The following PALM2AKAP2 variants were observed in gnomAD, a reference collection of about 807,000 sequenced individuals.
The protein encoded by PALM2AKAP2 is PALM2 and AKAP2 fusion.
In PALM2AKAP2, 37 loss-of-function variants were observed where a neutral mutation model predicts 71.5. The ratio of observed to expected loss-of-function variants is 0.52; its 90% CI spans 0.40 to 0.68. The LOEUF is 0.68. Ranked by LOEUF, PALM2AKAP2 falls within the 30% of genes least tolerant of loss-of-function variation. The probability of loss-of-function intolerance (pLI) is 0.00; values close to 1 mark genes in which losing one functional copy is unlikely to be tolerated. For synonymous variants in PALM2AKAP2, 468 were observed against 478.8 expected (o/e 0.98, Z 0.29); for missense variants, 1,224 against 1,191.8 (o/e 1.03, Z -0.40).
chr9:110,065,813 T>C (rs1353142714), intron 1 of PALM2AKAP2, among the ~76,000 whole-genome samples: 2 of 152,248 alleles, frequency 1.3e-5, no homozygotes, highest in Non-Finnish European at 2.9e-5. Context: ...GTATTTGTCT[T>C]TCTGTGACTG....
At position 109,685,875 on chromosome 9, in the gene PALM2AKAP2, A is replaced by AT. The variant is rs200933076; in HGVS notation, c.5+45018dup. On this transcript the variant is annotated intron_variant, in intron 1 of 6. Coordinates refer to the PALM2AKAP2 transcript ENST00000374531. Reference sequence around the variant, plus strand: ...GTTCGATAGTATTTTACACATAGTAATTTTTTTTTCAAAATTGGTGTCCAT... The same window carrying AT: ...GTTCGATAGTATTTTACACATAGTAATTTTTTTTTTCAAAATTGGTGTCCAT... Among the ~76,000 whole-genome samples the AT allele has an allele frequency of 7.3e-3, 1,108 of 151,498 alleles. 15 individuals are homozygous for AT. Among genetic ancestry groups the AT allele is most frequent in the African/African-American group, 0.026 (1,057 of 41,296 alleles).
At chr9:109,830,687 G>A (rs1258898277) in intron 1 of PALM2AKAP2, among the ~76,000 whole-genome samples, 1 of 152,200 alleles carries the variant, frequency 6.6e-6, no homozygotes, top group Non-Finnish European at 1.5e-5. Flanking sequence ...ATGGCCTTGG[G>A]GGAGAGGGAG....
chr9:109,692,865 T>C (rs1827918565), intron 1 of PALM2AKAP2, among the ~76,000 whole-genome samples: 2 of 151,972 alleles, frequency 1.3e-5, no homozygotes, highest in Non-Finnish European at 2.9e-5. Context: ...TTTGCATCTA[T>C]GTGCACAAGG....
chr9:110,146,102 G>C (rs201432264), intron 2 of PALM2AKAP2, among the ~76,000 whole-genome samples: 1 of 151,622 alleles, frequency 6.6e-6, no homozygotes, highest in Non-Finnish European at 1.5e-5. Flanking sequence ...GTTTCACCGT[G>C]TTAGCCAGGA....
intron 3 of PALM2AKAP2, among the ~76,000 whole-genome samples, chr9:109,909,406 T>G (rs1830521800): frequency 6.6e-6 from 1 of 152,350 alleles, no homozygotes; most frequent in African/African-American, 2.4e-5. Context: ...TTGAGGCTAC[T>G]TCCAGTTGAG....
At chr9:110,161,993 C>T (rs370300881) in intron 3 of PALM2AKAP2, 101 bp from the exon 10 acceptor site, 2 of 1,475,494 alleles carry the variant, frequency 1.4e-6, no homozygotes, top group Middle Eastern at 1.7e-4. Context: ...TATTACTTCC[C>T]CTCCCATCCT....
chr9:109,697,051 T>G (rs184065650), intron 1 of PALM2AKAP2, among the ~76,000 whole-genome samples: 1 of 152,166 alleles, frequency 6.6e-6, no homozygotes, highest in African/African-American at 2.4e-5. Context: ...TTGAAAGCAC[T>G]TCTCGATAAA....
intron 1 of PALM2AKAP2, among the ~76,000 whole-genome samples, chr9:109,711,556 G>C (rs1443401379): frequency 3.3e-5 from 5 of 152,240 alleles, no homozygotes; most frequent in African/African-American, 1.2e-4. Flanking sequence ...TAGTGAGTCT[G>C]AGTTGAAGGA....
intron 1 of PALM2AKAP2, among the ~76,000 whole-genome samples, chr9:109,735,983 G>A (rs542644413): frequency 3.3e-5 from 5 of 152,310 alleles, no homozygotes; most frequent in African/African-American, 1.2e-4. Flanking sequence ...TTCTCCCATG[G>A]TAGTTATCTT....
intron 3 of PALM2AKAP2, among the ~76,000 whole-genome samples, chr9:109,882,137 C>A (rs1029392240): frequency 6.6e-6 from 1 of 152,078 alleles, no homozygotes; most frequent in African/African-American, 2.4e-5. Flanking sequence ...CCCGCCTTGG[C>A]CTCCCAAAGT....
At chr9:109,725,899 A>G (rs2118645810) in intron 1 of PALM2AKAP2, among the ~76,000 whole-genome samples, 1 of 152,304 alleles carries the variant, frequency 6.6e-6, no homozygotes, top group Admixed American at 6.5e-5. Flanking sequence ...ATTTTCTCTC[A>G]CAAAACTCCC....
chr9:109,667,375 T>A (rs1827502344), intron 1 of PALM2AKAP2, among the ~76,000 whole-genome samples: 1 of 151,916 alleles, frequency 6.6e-6, no homozygotes, highest in Non-Finnish European at 1.5e-5. Flanking sequence ...TACTTTTGGA[T>A]TTTTTTCTAA....
rs750860393 is a variant in PALM2AKAP2 at position 110,138,496 on chromosome 9, T to C, written c.2526T>C (p.Asn842=). The C allele has an allele frequency of 1.9e-6, 3 of 1,613,386 alleles. No homozygotes were observed. The African/African-American group carries it at 4.0e-5, about 22-fold the overall frequency. ...GTACGCAGAGCCCCAGGACAAAGAA[T>C]GCCCCATCACTGCCCTCCAGAACAT... Residue 842 remains asparagine (N), a synonymous_variant, in exon 2 of 4, where the codon AAT becomes AAC. Transcript: ENST00000374525.
At chr9:109,825,837 C>A (rs1828134348) in intron 1 of PALM2AKAP2, among the ~76,000 whole-genome samples, 1 of 152,088 alleles carries the variant, frequency 6.6e-6, no homozygotes, top group African/African-American at 2.4e-5. Context: ...CTAGAAATAC[C>A]ATTTGACCCA....
At chr9:109,722,322 T>C (rs888998541) in intron 1 of PALM2AKAP2, among the ~76,000 whole-genome samples, 3 of 152,224 alleles carry the variant, frequency 2.0e-5, no homozygotes, top group African/African-American at 7.2e-5. Context: ...TCTTGTAATA[T>C]GCACTTAATA....
In PALM2AKAP2 at chr9:109,744,979, C is replaced by T. The variant is rs191587237; in HGVS notation, c.6-35509C>T. Among the ~76,000 whole-genome samples, 572 of 152,292 alleles carry T rather than the reference C, an allele frequency of 3.8e-3. 3 individuals carry two copies. The highest frequency in any genetic ancestry group is 0.013 in the African/African-American group (553 of 41,550). ...CTAAGTCCATGCATGCCCTCAGTCCCAATAATTTTTGGCTTCCAGAGCTCC... is the reference window on the plus strand; with the variant it reads ...CTAAGTCCATGCATGCCCTCAGTCCTAATAATTTTTGGCTTCCAGAGCTCC... On this transcript the variant is annotated intron_variant, in intron 1 of 6. Coordinates refer to the PALM2AKAP2 transcript ENST00000374531.
intron 6 of PALM2AKAP2, among the ~76,000 whole-genome samples, chr9:109,998,505 G>A (rs571183580): frequency 2.6e-5 from 4 of 152,118 alleles, no homozygotes; most frequent in Non-Finnish European, 4.4e-5. Flanking sequence ...CTCAATAGCC[G>A]TGGAGGGCGC....
chr9:109,940,808 A>T (rs1831341699), intron 6 of PALM2AKAP2, among the ~76,000 whole-genome samples: 1 of 152,144 alleles, frequency 6.6e-6, no homozygotes, highest in African/African-American at 2.4e-5. Flanking sequence ...GCTAGAAAGG[A>T]AGTTTGCAGA....
At chr9:109,877,398 TA>T (rs1829744374) in intron 2 of PALM2AKAP2, among the ~76,000 whole-genome samples, 1 of 152,034 alleles carries the variant, frequency 6.6e-6, no homozygotes, top group Non-Finnish European at 1.5e-5. Context: ...TGAAGGTGGA[TA>T]AAGGACAGTC....
Sources: allele counts gnomAD v4.1 joint callset (sites outside exome capture counted in the v4.1 genomes callset), GRCh38; gene constraint gnomAD v4.1.1; transcripts MANE v1.5; gene names NCBI Gene and HGNC (gene_info 2026-07-23, HGNC 2026-07-21).